The following ARMH3 variants were observed in gnomAD, a reference collection of about 807,000 sequenced individuals.
The protein encoded by ARMH3 is armadillo-like helical domain-containing protein 3.
A neutral mutation model predicts 99.1 loss-of-function variants in ARMH3; 60 were observed. The ratio of observed to expected loss-of-function variants is 0.61; its 90% CI spans 0.49 to 0.75. The LOEUF is 0.75. ARMH3 is among the 30% of genes least tolerant of loss of function. The pLI, the probability that ARMH3 is intolerant of heterozygous loss-of-function variation, is 0.00. For synonymous variants in ARMH3, 285 were observed against 292.8 expected, an observed-to-expected ratio of 0.97 and a Z score of 0.27; for missense variants, 679 against 843.1, an observed-to-expected ratio of 0.81 and a Z score of 2.41.
intron 8 of ARMH3, among the ~76,000 whole-genome samples, chr10:102,022,290 C>G (rs1273622798): frequency 6.6e-6 from 1 of 151,400 alleles, no homozygotes; most frequent in African/African-American, 2.4e-5. Context: ...CTGGGCTAAT[C>G]ATCATACTCA....
chr10:101,987,630 T>C (rs946840060), intron 19 of ARMH3, among the ~76,000 whole-genome samples: 1 of 152,172 alleles, frequency 6.6e-6, no homozygotes, highest in Non-Finnish European at 1.5e-5. Context: ...AGAAATGATA[T>C]GTTACTTGAG....
intron 22 of ARMH3, among the ~76,000 whole-genome samples, chr10:101,955,459 C>T (rs1222778762): frequency 3.9e-5 from 6 of 152,134 alleles, no homozygotes; most frequent in African/African-American, 1.4e-4. Flanking sequence ...GACATTATAG[C>T]AAAGGTTCTC....
rs1363630515 is a variant in ARMH3 at position 101,983,355 on chromosome 10, C to T, written c.1406+7196G>A. The stretch of plus-strand genomic sequence containing the variant: ...GGAATGCAGTGGTGCAATCACGGCT[C>T]ACCGCAGCCTTGACCTCCACGGCTC... On this transcript the variant is annotated intron_variant, in intron 19 of 25. Coordinates refer to ENST00000370033, the MANE Select transcript of ARMH3 (RefSeq NM_024541.3). Among the ~76,000 whole-genome samples the T allele has an allele frequency of 2.6e-5, 4 of 152,300 alleles. No individual in the cohort carries two copies. The South Asian group carries it at 6.2e-4, about 24-fold the overall frequency.
intron 20 of ARMH3, among the ~76,000 whole-genome samples, chr10:101,973,140 C>T (rs1590112062): frequency 1.3e-5 from 2 of 152,126 alleles, no homozygotes; most frequent in Non-Finnish European, 2.9e-5. Flanking sequence ...GTGGGCGGAT[C>T]ACAAGGTCAG....
At chr10:101,903,877 CAA>C (rs1161502628) in intron 23 of ARMH3, among the ~76,000 whole-genome samples, 2 of 152,196 alleles carry the variant, frequency 1.3e-5, no homozygotes, top group African/African-American at 4.8e-5. Flanking sequence ...AGTACTGACT[CAA>C]AGATGCTCAT....
chr10:101,866,348 T>C (rs1395567575), intron 24 of ARMH3, among the ~76,000 whole-genome samples: 1 of 151,978 alleles, frequency 6.6e-6, no homozygotes, highest in East Asian at 1.9e-4. Context: ...AGACTGAAAG[T>C]GCTCGCAAGA....
chr10:102,053,515 A>G (rs1234912362), intron 1 of ARMH3, among the ~76,000 whole-genome samples: 2 of 151,810 alleles, frequency 1.3e-5, no homozygotes, highest in Non-Finnish European at 2.9e-5. Flanking sequence ...GATTACAGGT[A>G]TAAGCCACCA....
Position 101,847,452 on chromosome 10 carries a change from C to A in ARMH3, c.*76G>T. 2 of 1,464,564 alleles carry A rather than the reference C, an allele frequency of 1.4e-6. No homozygotes were observed. The highest frequency in any genetic ancestry group is 2.3e-5 in the South Asian group (2 of 87,572). 90.7% of individuals were successfully genotyped at this position (1,464,564 alleles called of 1,614,324 possible). A position where few individuals can be genotyped will look rare whatever the true frequency, so the allele number is the denominator to read the frequency against. On this transcript the variant is annotated 3_prime_UTR_variant, in exon 26 of 26. Coordinates refer to ENST00000370033, the MANE Select transcript of ARMH3 (RefSeq NM_024541.3). ...TCTCTCCAACCTCGGGGGCAGCCCC[C>A]TCTCCCCTCGCTCCCCCTCCAGCCC...
Position 102,033,316 on chromosome 10 carries a change from A to C in ARMH3, c.126T>G (p.Ser42Arg). ...GAAAGAGCTCCTCCCAAAACCGAGGACTGCACTTACTGGGGTCCTCTGTCT... is the reference window on the plus strand; with the variant it reads ...GAAAGAGCTCCTCCCAAAACCGAGGCCTGCACTTACTGGGGTCCTCTGTCT... ...IFMTEDPSKC[S>R]PRFWEELFLM... is the part of the protein sequence containing the mutation. The change falls in exon 3 of 26, where the codon AGT becomes AGG. Residue 42 changes from serine (S) to arginine (R), a missense_variant. Around this residue, in one of 3 missense-constraint regions of ARMH3, gnomAD observed 280 missense variants for 354.6 expected, o/e 0.79. Coordinates refer to ENST00000370033, the MANE Select transcript of ARMH3 (RefSeq NM_024541.3). The C allele has an allele frequency of 6.2e-7, 1 of 1,614,156 alleles. No homozygotes were observed. The highest frequency in any genetic ancestry group is 8.5e-7 in the Non-Finnish European group (1 of 1,180,022).
chr10:102,054,862 A>T (rs2067799101), intron 1 of ARMH3, among the ~76,000 whole-genome samples: 1 of 151,614 alleles, frequency 6.6e-6, no homozygotes, highest in South Asian at 2.1e-4. Context: ...CGGGCGTGGT[A>T]GCTCACGTCT....
Position 101,853,707 on chromosome 10 carries a change from G to C in ARMH3, c.1861-3815C>G, listed in dbSNP as rs1357909856. Among the ~76,000 whole-genome samples the C allele has an allele frequency of 2.0e-5, 3 of 152,202 alleles. No individual in the cohort carries two copies. In the East Asian group the frequency reaches 5.8e-4, roughly 29 times the overall value. ...ATGCCAACCACCTCAGCCCAAGGTA[G>C]CCTCAAAGCCAGTAAGTCACCTACA... On this transcript the variant is annotated intron_variant, in intron 24 of 25. Transcript: ENST00000370033.
intron 24 of ARMH3, among the ~76,000 whole-genome samples, chr10:101,871,221 A>G (rs1462065291): frequency 6.6e-6 from 1 of 152,234 alleles, no homozygotes; most frequent in Non-Finnish European, 1.5e-5. Flanking sequence ...TGTTTACTCC[A>G]TTATGGATAT....
intron 6 of ARMH3, among the ~76,000 whole-genome samples, chr10:102,024,266 T>C (rs938358434): frequency 6.6e-6 from 1 of 151,182 alleles, no homozygotes; most frequent in African/African-American, 2.4e-5. Flanking sequence ...CTGGCCAACA[T>C]GGTGAAACCC....
chr10:101,859,457 T>C (rs2135303756), intron 24 of ARMH3, among the ~76,000 whole-genome samples: 1 of 152,312 alleles, frequency 6.6e-6, no homozygotes, highest in East Asian at 1.9e-4. Flanking sequence ...GGCTCAGCCC[T>C]GACACTGAAA....
At chr10:101,907,228 C>G (rs1302249015) in intron 23 of ARMH3, among the ~76,000 whole-genome samples, 1 of 152,108 alleles carries the variant, frequency 6.6e-6, no homozygotes, top group African/African-American at 2.4e-5. Context: ...GAACTCCTTG[C>G]TCTTCTAGAT....
intron 24 of ARMH3, among the ~76,000 whole-genome samples, chr10:101,887,181 CAGTT>C (rs1262032610): frequency 2.0e-5 from 3 of 152,126 alleles, no homozygotes; most frequent in African/African-American, 4.8e-5. Flanking sequence ...CCTTCAAAAT[CAGTT>C]AGAGAAGAGA....
At chr10:101,946,898 A>C (rs1293083038) in intron 22 of ARMH3, among the ~76,000 whole-genome samples, 1 of 151,974 alleles carries the variant, frequency 6.6e-6, no homozygotes, top group African/African-American at 2.4e-5. Context: ...AAAAAAAAAA[A>C]CCTTTTAAGA....
intron 23 of ARMH3, among the ~76,000 whole-genome samples, chr10:101,924,335 T>C (rs919409374): frequency 3.3e-5 from 5 of 151,964 alleles, no homozygotes; most frequent in Non-Finnish European, 5.9e-5. Context: ...AATTTTATTT[T>C]ACTTTGGTCT....
intron 24 of ARMH3, among the ~76,000 whole-genome samples, chr10:101,872,710 C>CAT (rs2067159805): frequency 6.6e-6 from 1 of 152,058 alleles, no homozygotes; most frequent in Non-Finnish European, 1.5e-5. Flanking sequence ...GTAATCCCAG[C>CAT]ATTTTGGGTA....
Sources: allele counts gnomAD v4.1 joint callset (sites outside exome capture counted in the v4.1 genomes callset), GRCh38; gene constraint gnomAD v4.1.1; regional missense constraint gnomAD v4.1.1; transcripts MANE v1.5; gene names NCBI Gene and HGNC (gene_info 2026-07-23, HGNC 2026-07-21).